NUP62CL: variants seen among roughly 807,000 people sequenced by gnomAD.
NUP62CL encodes nucleoporin-62 C-terminal-like protein.
A neutral mutation model predicts 15.3 loss-of-function variants in NUP62CL; 13 were observed. The observed-to-expected ratio is 0.85, with a 90% CI of 0.55 to 1.35. The LOEUF (loss-of-function observed/expected upper bound fraction) is 1.35, where lower values mean the gene tolerates loss of function less well. Among genes scored for constraint, NUP62CL ranks in the 40% most tolerant of loss-of-function variants. The pLI, the probability that NUP62CL is intolerant of heterozygous loss-of-function variation, is 0.00. For missense variants in NUP62CL, 123 were observed against 130.6 expected (o/e 0.94, Z 0.28); for synonymous variants, 54 against 49.2 (o/e 1.10, Z -0.41).
At chrX:107,146,489 G>C (rs1925885461) in intron 8 of NUP62CL, among the ~76,000 whole-genome samples, 1 of 111,996 alleles carries the variant, frequency 8.9e-6, no homozygotes, top group Admixed American at 9.5e-5. Flanking sequence ...ATGACAGTTT[G>C]AACATTTTAC....
intron 2 of NUP62CL, among the ~76,000 whole-genome samples, chrX:107,184,286 CAAAAAAA>C (rs1926985260): frequency 2.2e-5 from 1 of 44,795 alleles, no homozygotes; most frequent in Non-Finnish European, 3.5e-5. Context: ...CGCCTCAGCA[CAAAAAAA>C]GAGAAGAAAG....
At chrX:107,148,674 C>T (rs1925938613) in intron 7 of NUP62CL, among the ~76,000 whole-genome samples, 1 of 111,323 alleles carries the variant, frequency 9.0e-6, no homozygotes, top group African/African-American at 3.3e-5. Flanking sequence ...ATATAGATGA[C>T]TTAATTTTCC....
chrX:107,193,251 AAAG>A (rs1389975618), intron 1 of NUP62CL, among the ~76,000 whole-genome samples, 179 bp from the exon 2 acceptor site: 3 of 112,383 alleles, frequency 2.7e-5, no homozygotes, highest in Non-Finnish European at 3.8e-5. Flanking sequence ...GTTTTTCCAG[AAAG>A]AAGGACAATT....
intron 3 of NUP62CL, among the ~76,000 whole-genome samples, chrX:107,169,809 AT>A (rs372787771): frequency 4.8e-5 from 5 of 103,542 alleles, no homozygotes; most frequent in African/African-American, 9.9e-5. Context: ...ACAGAAAGAA[AT>A]TTTTTTTTTA....
At position 107,154,328 on chromosome X, in the gene NUP62CL, A is replaced by G. The variant is rs956667705; in HGVS notation, c.195-82T>C. ...AGATTTTAAAAACGAACACAGGAGG[A>G]CTCTGAGAAGAAAACAGCATGTAAG... On this transcript the variant is annotated intron_variant, in intron 4 of 8. Transcript: ENST00000372466. 18 of 781,393 alleles carry G rather than the reference A, an allele frequency of 2.3e-5. No individual in the cohort carries two copies. The East Asian group carries it at 5.9e-4, about 26-fold the overall frequency. 64.4% of individuals were successfully genotyped at this position (781,393 alleles called of 1,213,427 possible). A position where few individuals can be genotyped will look rare whatever the true frequency, so the allele number is the denominator to read the frequency against.
At chrX:107,164,518 TGAAAA>T (rs1926462456) in intron 4 of NUP62CL, among the ~76,000 whole-genome samples, 1 of 110,625 alleles carries the variant, frequency 9.0e-6, no homozygotes, top group Non-Finnish European at 1.9e-5. Flanking sequence ...ATTGAAAACA[TGAAAA>T]GAATAGAAAA....
At position 107,150,058 on chromosome X, in the gene NUP62CL, A is replaced by G. The variant is rs1050058730; in HGVS notation, c.531-2249T>C. Among the ~76,000 whole-genome samples, 134 of 112,171 alleles carry G rather than the reference A, an allele frequency of 1.2e-3. 12 individuals are homozygous for G. The highest frequency in any genetic ancestry group is 9.5e-5 in the Admixed American group (1 of 10,533). ...AATAGTATTCTGTGGGGGCAGGTGT[A>G]AACCTAATAACCATATTTCACCAAG... On this transcript the variant is annotated intron_variant, in intron 7 of 8. Coordinates refer to ENST00000372466, the MANE Select transcript of NUP62CL (RefSeq NM_017681.3).
intron 4 of NUP62CL, among the ~76,000 whole-genome samples, chrX:107,158,937 A>G (rs1926286938): frequency 1.6e-5 from 1 of 61,734 alleles, no homozygotes; most frequent in Non-Finnish European, 2.5e-5. Context: ...ATAAAAAATG[A>G]TAAAGGGGAT....
chrX:107,175,561 C>A (rs755153198), intron 2 of NUP62CL, among the ~76,000 whole-genome samples: 1 of 111,558 alleles, frequency 9.0e-6, no homozygotes, highest in African/African-American at 3.3e-5. Context: ...TTCTTTAAAT[C>A]GGAAATGGCT....
intron 8 of NUP62CL, among the ~76,000 whole-genome samples, chrX:107,136,707 A>C (rs934281676): frequency 8.9e-6 from 1 of 112,511 alleles, no homozygotes; most frequent in African/African-American, 3.2e-5. Context: ...AATGTATAAA[A>C]GGAATTATAA....
chrX:107,137,254 C>T lies in NUP62CL; in HGVS notation c.*42+10489G>A, dbSNP rs182395127. 5.5e-3 allele frequency among the ~76,000 whole-genome samples: 612 copies of T among 110,489 alleles called. 6 individuals carry two copies. The highest frequency in any genetic ancestry group is 0.019 in the African/African-American group (584 of 30,330). On this transcript the variant is annotated intron_variant, in intron 8 of 8. Coordinates refer to ENST00000372466, the MANE Select transcript of NUP62CL (RefSeq NM_017681.3). ...GGAATTACCTCAACTTGATAAAGGG[C>T]GTCTACAAAAAAAATCTACAAATAA...
chrX:107,124,242 TA>T lies in NUP62CL; in HGVS notation c.*132del. ...ACATGCTGAAGATATGGTCATTCAC[TA>T]AAAAGCAGTGTTGACATTGTGTGCA... is the stretch of plus-strand genomic sequence containing the variant. On this transcript the variant is annotated 3_prime_UTR_variant, in exon 9 of 9. Transcript: ENST00000372466. 1 of 339,041 alleles carries T rather than the reference TA, an allele frequency of 2.9e-6. No homozygotes were observed. Among genetic ancestry groups the T allele is most frequent in the South Asian group, 2.7e-5 (1 of 36,985 alleles). 27.9% of individuals were successfully genotyped at this position (339,041 alleles called of 1,213,427 possible).
chrX:107,195,663 G>A (rs1182753753), intron 1 of NUP62CL, among the ~76,000 whole-genome samples: 1 of 111,838 alleles, frequency 8.9e-6, no homozygotes, highest in Non-Finnish European at 1.9e-5. Flanking sequence ...GTTACAACAT[G>A]CTTATTTTCA....
chrX:107,188,885 A>G (rs1927139060), intron 2 of NUP62CL, among the ~76,000 whole-genome samples: 1 of 111,903 alleles, frequency 8.9e-6, no homozygotes, highest in South Asian at 3.7e-4. Context: ...TAAGTTTAAC[A>G]ATAGAAAAAA....
rs992930319 is a variant in NUP62CL at position 107,186,453 on chromosome X, C to A, written c.-48+6576G>T. Among the ~76,000 whole-genome samples the A allele has an allele frequency of 3.6e-5, 4 of 111,435 alleles. No individual in the cohort carries two copies. In the Admixed American group the frequency reaches 3.8e-4, roughly 11 times the overall value. ...CAGTTTTGCAGATACTTTTAATACA[C>A]AATTTTGTTAACTATACTCCTCATG... On this transcript the variant is annotated intron_variant, in intron 2 of 8. Transcript: ENST00000372466.
chrX:107,149,872 A>G (rs984308798), intron 7 of NUP62CL, among the ~76,000 whole-genome samples: 1 of 111,437 alleles, frequency 9.0e-6, no homozygotes. Context: ...TTTAGCTGCT[A>G]AGACAACAGG....
intron 8 of NUP62CL, among the ~76,000 whole-genome samples, chrX:107,129,290 A>C (rs1602633384): frequency 9.0e-6 from 1 of 111,674 alleles, no homozygotes; most frequent in East Asian, 2.8e-4. Flanking sequence ...AAAGCATAAG[A>C]AACAGACCCC....
At chrX:107,184,853 G>A (rs1927015273) in intron 2 of NUP62CL, among the ~76,000 whole-genome samples, 2 of 111,098 alleles carry the variant, frequency 1.8e-5, no homozygotes, top group African/African-American at 6.6e-5. Context: ...GAGAAAAATA[G>A]CATCTAACCA....
intron 8 of NUP62CL, among the ~76,000 whole-genome samples, chrX:107,140,742 G>A (rs939650313): frequency 8.9e-6 from 1 of 112,040 alleles, no homozygotes; most frequent in African/African-American, 3.2e-5. Context: ...AACTGGCATT[G>A]CAGCAAATAC....
Sources: gnomAD v4.1 joint callset for allele counts (sites outside exome capture counted in the v4.1 genomes callset) on GRCh38, gnomAD v4.1.1 for gene constraint, MANE v1.5 for transcripts, NCBI Gene and HGNC (gene_info 2026-07-23, HGNC 2026-07-21) for gene names.